MACROD2: variants seen among roughly 807,000 people sequenced by gnomAD.
The protein encoded by MACROD2 is mono-ADP ribosylhydrolase 2, also known as ADP-ribose glycohydrolase MACROD2.
MACROD2 carries 36 observed loss-of-function variants against 70.4 expected under a neutral mutation model. The ratio of observed to expected loss-of-function variants is 0.51; its 90% CI spans 0.39 to 0.68. The LOEUF is 0.68. Among genes scored for constraint, MACROD2 ranks in the 30% least tolerant of loss-of-function variants. The pLI, the probability that MACROD2 is intolerant of heterozygous loss-of-function variation, is 0.00. For missense variants in MACROD2, 496 were observed against 538.4 expected, an observed-to-expected ratio of 0.92 and a Z score of 0.78; for synonymous variants, 172 against 178.8, an observed-to-expected ratio of 0.96 and a Z score of 0.30.
intron 3 of MACROD2, among the ~76,000 whole-genome samples, chr20:14,389,667 A>T (rs1434935607): frequency 6.6e-6 from 1 of 152,200 alleles, no homozygotes; most frequent in East Asian, 1.9e-4. Context: ...TTAATACTGC[A>T]TTTTTACATT....
chr20:14,911,904 C>T (rs918786795), intron 5 of MACROD2, among the ~76,000 whole-genome samples: 1 of 152,022 alleles, frequency 6.6e-6, no homozygotes, highest in African/African-American at 2.4e-5. Context: ...AATTACATTG[C>T]AAGCAAATGA....
intron 8 of MACROD2, among the ~76,000 whole-genome samples, chr20:15,564,183 G>T (rs1213272026): frequency 6.6e-6 from 1 of 152,148 alleles, no homozygotes; most frequent in Non-Finnish European, 1.5e-5. Flanking sequence ...GAAGATAACT[G>T]GGGTAAGTAT....
intron 6 of MACROD2, among the ~76,000 whole-genome samples, chr20:15,254,601 G>C (rs4371414): frequency 6.6e-6 from 1 of 152,016 alleles, no homozygotes; most frequent in Non-Finnish European, 1.5e-5. Flanking sequence ...GAACTAATTT[G>C]ACATTAATGT....
At chr20:14,986,322 A>G (rs892438938) in intron 5 of MACROD2, among the ~76,000 whole-genome samples, 3 of 152,164 alleles carry the variant, frequency 2.0e-5, no homozygotes, top group African/African-American at 7.2e-5. Context: ...AAGTTAATGA[A>G]TAACCAAGTG....
intron 6 of MACROD2, among the ~76,000 whole-genome samples, chr20:15,399,754 G>C (rs888579129): frequency 6.6e-6 from 1 of 152,152 alleles, no homozygotes; most frequent in Non-Finnish European, 1.5e-5. Context: ...TGTTGTGATT[G>C]GCTTTTTCTT....
intron 5 of MACROD2, among the ~76,000 whole-genome samples, chr20:14,970,776 C>G (rs569309026): frequency 1.2e-4 from 18 of 152,192 alleles, no homozygotes; most frequent in Middle Eastern, 3.4e-3. Context: ...TCAGCCTCTT[C>G]AGTAGCTGGA....
intron 5 of MACROD2, among the ~76,000 whole-genome samples, chr20:15,196,436 G>A (rs899791079): frequency 2.0e-5 from 3 of 152,086 alleles, no homozygotes; most frequent in South Asian, 2.1e-4. Context: ...AATTTTACCC[G>A]AGATGTTAGA....
intron 8 of MACROD2, among the ~76,000 whole-genome samples, chr20:15,656,288 C>T (rs2049729530): frequency 6.6e-6 from 1 of 152,172 alleles, no homozygotes; most frequent in Non-Finnish European, 1.5e-5. Context: ...ATAAAAGAGT[C>T]AGGCTGTATG....
At chr20:15,575,550 T>G (rs1161355220) in intron 8 of MACROD2, among the ~76,000 whole-genome samples, 1 of 152,140 alleles carries the variant, frequency 6.6e-6, no homozygotes, top group Non-Finnish European at 1.5e-5. Context: ...TAGTTCTGGT[T>G]GGAGTGGTGC....
At chr20:14,188,997 T>C (rs2081365133) in intron 3 of MACROD2, among the ~76,000 whole-genome samples, 1 of 152,164 alleles carries the variant, frequency 6.6e-6, no homozygotes, top group African/African-American at 2.4e-5. Flanking sequence ...CATTCATCTT[T>C]TTCTCTGTTT....
intron 6 of MACROD2, among the ~76,000 whole-genome samples, chr20:15,370,609 TG>T (rs542854609): frequency 2.0e-5 from 3 of 152,112 alleles, no homozygotes; most frequent in Non-Finnish European, 4.4e-5. Context: ...TTGATGCAGT[TG>T]AAGAAGTAAA....
At chr20:14,439,865 A>G (rs561874830) in intron 3 of MACROD2, among the ~76,000 whole-genome samples, 1 of 152,298 alleles carries the variant, frequency 6.6e-6, no homozygotes, top group African/African-American at 2.4e-5. Context: ...GTACACATAG[A>G]TAAGTCCCAG....
intron 5 of MACROD2, among the ~76,000 whole-genome samples, chr20:14,969,987 A>G (rs2423883): frequency 0.067 from 10,272 of 152,184 alleles, 820 homozygotes; most frequent in African/African-American, 0.19. Flanking sequence ...CGTCATCATC[A>G]TCATTGTAAT....
intron 3 of MACROD2, among the ~76,000 whole-genome samples, chr20:14,195,367 A>C (rs2081421880): frequency 6.6e-6 from 1 of 152,040 alleles, no homozygotes; most frequent in African/African-American, 2.4e-5. Flanking sequence ...CCTCTGATAC[A>C]GAAATGGGGA....
At chr20:14,902,467 C>G (rs2073906082) in intron 5 of MACROD2, among the ~76,000 whole-genome samples, 1 of 152,198 alleles carries the variant, frequency 6.6e-6, no homozygotes, top group African/African-American at 2.4e-5. Context: ...TTAAAATAAT[C>G]TTCCTGAGGC....
intron 10 of MACROD2, among the ~76,000 whole-genome samples, chr20:15,889,099 G>T (rs1438577544): frequency 6.6e-6 from 1 of 152,188 alleles, no homozygotes; most frequent in Non-Finnish European, 1.5e-5. Flanking sequence ...ACCCACTGGG[G>T]TGCTTGTAAA....
At chr20:14,146,854 G>C (rs2148708938) in intron 3 of MACROD2, among the ~76,000 whole-genome samples, 1 of 152,322 alleles carries the variant, frequency 6.6e-6, no homozygotes, top group African/African-American at 2.4e-5. Flanking sequence ...AATGCTTATA[G>C]AGCAGTGCTT....
At chr20:14,321,990 G>T (rs1290134304) in intron 3 of MACROD2, among the ~76,000 whole-genome samples, 12 of 149,658 alleles carry the variant, frequency 8.0e-5, no homozygotes, top group South Asian at 6.3e-4. Context: ...GTTTTTTTTT[G>T]TTGTTGTTTT....
At chr20:15,134,941 C>T (rs561919712) in intron 5 of MACROD2, among the ~76,000 whole-genome samples, 16,233 of 151,990 alleles carry the variant, frequency 0.11, 1,064 homozygotes, top group Middle Eastern at 0.18. Flanking sequence ...AGCACCTCTA[C>T]GCAAATAAAC....
Sources: allele counts gnomAD v4.1 joint callset (sites outside exome capture counted in the v4.1 genomes callset), GRCh38; gene constraint gnomAD v4.1.1; transcripts MANE v1.5; gene names NCBI Gene and HGNC (gene_info 2026-07-23, HGNC 2026-07-21).